Variants in CYTH3 observed in about 807,000 individuals in gnomAD.
CYTH3 encodes cytohesin-3.
Under a neutral mutation model 55.1 loss-of-function variants are expected in CYTH3, and 23 were observed. That is an observed-to-expected ratio of 0.42 (90% CI 0.30 to 0.59). The LOEUF (loss-of-function observed/expected upper bound fraction) is 0.59. CYTH3 is among the 20% of genes least tolerant of loss of function. CYTH3 has a pLI of 0.20. For synonymous variants in CYTH3, 249 were observed against 194.9 expected, an observed-to-expected ratio of 1.28 and a Z score of -2.31; for missense variants, 413 against 524.8, an observed-to-expected ratio of 0.79 and a Z score of 2.08.
intron 1 of CYTH3, among the ~76,000 whole-genome samples, chr7:6,228,889 G>GT (rs1779316021): frequency 6.6e-6 from 1 of 151,906 alleles, no homozygotes; most frequent in South Asian, 2.1e-4. Flanking sequence ...ATTTTTATTG[G>GT]TAATTAGTGA....
At chr7:6,218,154 G>C (rs1265916996) in intron 1 of CYTH3, among the ~76,000 whole-genome samples, 1 of 152,126 alleles carries the variant, frequency 6.6e-6, no homozygotes, top group Non-Finnish European at 1.5e-5. Context: ...TCCAGCCTGG[G>C]CAACAGAGCC....
At chr7:6,224,335 G>C (rs76030136) in intron 1 of CYTH3, among the ~76,000 whole-genome samples, 1 of 133,006 alleles carries the variant, frequency 7.5e-6, no homozygotes, top group Admixed American at 7.4e-5. Flanking sequence ...AAAAAAAAAA[G>C]ATTGATGGAA....
intron 1 of CYTH3, among the ~76,000 whole-genome samples, chr7:6,254,942 TA>T (rs1436597935): frequency 6.6e-6 from 1 of 152,214 alleles, no homozygotes; most frequent in African/African-American, 2.4e-5. Context: ...GAAGAAAAGA[TA>T]TAATAATCAT....
chr7:6,205,704 C>T (rs977699843), intron 1 of CYTH3, among the ~76,000 whole-genome samples: 2 of 151,504 alleles, frequency 1.3e-5, no homozygotes, highest in Non-Finnish European at 2.9e-5. Context: ...TAGCAAGGCC[C>T]TGTCTGAAAA....
chr7:6,217,825 G>C (rs566270216), intron 1 of CYTH3, among the ~76,000 whole-genome samples: 4 of 152,038 alleles, frequency 2.6e-5, no homozygotes, highest in Non-Finnish European at 1.5e-5. Context: ...TAGAACTTGT[G>C]AATGTTAACT....
intron 1 of CYTH3, among the ~76,000 whole-genome samples, chr7:6,198,481 G>C (rs903734991): frequency 6.6e-6 from 1 of 152,212 alleles, no homozygotes; most frequent in African/African-American, 2.4e-5. Flanking sequence ...AAAATGGGAA[G>C]ATAAGCAATG....
chr7:6,188,015 G>A (rs1783698684), intron 2 of CYTH3, among the ~76,000 whole-genome samples: 1 of 151,930 alleles, frequency 6.6e-6, no homozygotes, highest in Non-Finnish European at 1.5e-5. Flanking sequence ...ACTGGGGGGG[G>A]AATATCACAG....
chr7:6,185,271 A>G (rs1241222142), intron 4 of CYTH3, among the ~76,000 whole-genome samples: 1 of 152,226 alleles, frequency 6.6e-6, no homozygotes, highest in African/African-American at 2.4e-5. Flanking sequence ...CTCTGGGTGC[A>G]GATGTGCTGG....
chr7:6,229,103 A>C (rs1779321724), intron 1 of CYTH3, among the ~76,000 whole-genome samples: 1 of 152,182 alleles, frequency 6.6e-6, no homozygotes, highest in Admixed American at 6.5e-5. Context: ...AGTGGAACAG[A>C]AGTAAAACCT....
chr7:6,183,358 T>C (rs1783554699), intron 4 of CYTH3, among the ~76,000 whole-genome samples: 1 of 152,256 alleles, frequency 6.6e-6, no homozygotes, highest in Non-Finnish European at 1.5e-5. Flanking sequence ...TCTAGTCCAC[T>C]GAGTGGACCC....
At chr7:6,172,964 C>T in intron 6 of CYTH3, 4 of 1,130,574 alleles carry the variant, frequency 3.5e-6, no homozygotes, top group South Asian at 1.8e-5. Flanking sequence ...GGTATGAAGC[C>T]GAAGATTTGA....
intron 1 of CYTH3, among the ~76,000 whole-genome samples, chr7:6,268,775 A>C (rs1235969387): frequency 6.6e-6 from 1 of 152,214 alleles, no homozygotes; most frequent in Non-Finnish European, 1.5e-5. Flanking sequence ...CCACCCAGAG[A>C]AACAGAGACA....
At chr7:6,265,756 T>A (rs975576940) in intron 1 of CYTH3, among the ~76,000 whole-genome samples, 5 of 152,030 alleles carry the variant, frequency 3.3e-5, no homozygotes, top group Non-Finnish European at 7.4e-5. Context: ...AGGAGTGACA[T>A]GACCTGCGTG....
intron 1 of CYTH3, among the ~76,000 whole-genome samples, chr7:6,211,497 C>T (rs1186130936): frequency 3.9e-5 from 6 of 152,190 alleles, no homozygotes; most frequent in South Asian, 4.1e-4. Context: ...TGGTAAAACG[C>T]ATAACACAGC....
intron 1 of CYTH3, among the ~76,000 whole-genome samples, chr7:6,271,451 A>T (rs1780651155): frequency 6.6e-6 from 1 of 151,852 alleles, no homozygotes; most frequent in Admixed American, 6.6e-5. Context: ...GATGATTCTG[A>T]TGATTTCTCT....
At position 6,164,615 on chromosome 7, in the gene CYTH3, C is replaced by G. The variant is rs967914828; in HGVS notation, c.*329G>C. 1 of 370,108 alleles carries G rather than the reference C, an allele frequency of 2.7e-6. No individual in the cohort carries two copies. Among genetic ancestry groups the G allele is most frequent in the African/African-American group, 2.1e-5 (1 of 48,126 alleles). 22.9% of individuals were successfully genotyped at this position (370,108 alleles called of 1,614,324 possible). A position where few individuals can be genotyped will look rare whatever the true frequency, so the allele number is the denominator to read the frequency against. On this transcript the variant is annotated 3_prime_UTR_variant, in exon 13 of 13. Coordinates refer to ENST00000350796, the MANE Select transcript of CYTH3 (RefSeq NM_004227.4). ...AGCGGAAGCTGCTGTCCTGGCTTCTCCCCCTAGGGGCGCCGGGATGGTCGC... is the reference window on the plus strand; with the variant it reads ...AGCGGAAGCTGCTGTCCTGGCTTCTGCCCCTAGGGGCGCCGGGATGGTCGC...
intron 1 of CYTH3, among the ~76,000 whole-genome samples, chr7:6,229,574 C>T (rs1002879219): frequency 1.3e-5 from 2 of 151,292 alleles, no homozygotes; most frequent in East Asian, 3.9e-4. Flanking sequence ...CTTTGGGAGG[C>T]CAAGGTGGGT....
intron 1 of CYTH3, among the ~76,000 whole-genome samples, chr7:6,256,096 C>G (rs561622575): frequency 3.9e-5 from 6 of 152,240 alleles, no homozygotes; most frequent in Admixed American, 6.5e-5. Context: ...GTTGAAATGG[C>G]CCTGTCAATA....
chr7:6,256,277 G>A (rs1780102312), intron 1 of CYTH3, among the ~76,000 whole-genome samples: 1 of 152,174 alleles, frequency 6.6e-6, no homozygotes. Context: ...GGGAGTCACT[G>A]GCCACTGGTT....
Sources: gnomAD v4.1 joint callset for allele counts (sites outside exome capture counted in the v4.1 genomes callset) on GRCh38, gnomAD v4.1.1 for gene constraint, MANE v1.5 for transcripts, NCBI Gene and HGNC (gene_info 2026-07-23, HGNC 2026-07-21) for gene names.